EP400: variants seen among roughly 807,000 people sequenced by gnomAD.
EP400 encodes the protein E1A-binding protein p400.
A neutral mutation model predicts 354.1 loss-of-function variants in EP400; 105 were observed. That is an observed-to-expected ratio of 0.30 (90% CI 0.25 to 0.35). The LOEUF is 0.35. Among genes scored for constraint, EP400 ranks in the 10% least tolerant of loss-of-function variants. EP400 has a pLI of 1.00. For missense variants in EP400, 3,280 were observed against 4,121.0 expected, an observed-to-expected ratio of 0.80 and a Z score of 5.59; for synonymous variants, 1,646 against 1,716.9, an observed-to-expected ratio of 0.96 and a Z score of 1.02.
chr12:132,044,347 C>A (rs747702521), intron 35 of EP400, 36 bp downstream of exon 35: 3 of 1,596,670 alleles, frequency 1.9e-6, no homozygotes, highest in African/African-American at 1.3e-5. Context: ...CTCTTGCCCC[C>A]CTGCTGAGGG....
intron 19 of EP400, among the ~76,000 whole-genome samples, chr12:132,015,786 G>T (rs1372253107): frequency 6.6e-6 from 1 of 151,986 alleles, no homozygotes; most frequent in Non-Finnish European, 1.5e-5. Context: ...CGCACGCCTC[G>T]CCCCCCTGGA....
rs917905677 is a variant in EP400 at position 132,025,565 on chromosome 12, G to A, written c.4856-81G>A. ...ATTTTCAGTTTGTCAACTTATTTTT[G>A]TACTGTTTGGAAGTGCCTGGAGTGT... On this transcript the variant is annotated intron_variant, in intron 24 of 52. Transcript: ENST00000389561. The surrounding 1 kb of genome is among the most constrained non-coding windows in gnomAD (Gnocchi z 4.1). 2.1e-5 allele frequency: 29 copies of A among 1,371,616 alleles called. No individual in the cohort carries two copies. In the African/African-American group the frequency reaches 3.0e-4, roughly 14 times the overall value. 85.0% of individuals were successfully genotyped at this position (1,371,616 alleles called of 1,614,324 possible).
chr12:131,988,846 A>G (rs59589135), intron 7 of EP400, among the ~76,000 whole-genome samples: 20,588 of 152,078 alleles, frequency 0.14, 1,865 homozygotes, highest in African/African-American at 0.26. Context: ...CTTGTGTTCC[A>G]TCCCTTGCCC....
At chr12:131,979,090 G>A (rs1420330421) in intron 2 of EP400, among the ~76,000 whole-genome samples, 13 of 151,868 alleles carry the variant, frequency 8.6e-5, no homozygotes, top group Admixed American at 3.9e-4. Context: ...GGTGGCAGGC[G>A]CCTGTAGTCC....
rs576096111 is a variant in EP400 at position 132,029,964 on chromosome 12, G to A, written c.5585-25G>A. 1.4e-5 allele frequency: 23 copies of A among 1,612,806 alleles called. No individual in the cohort carries two copies. Among genetic ancestry groups the A allele is most frequent in the East Asian group, 4.5e-5 (2 of 44,884 alleles). ...CTGCACCGGCCCTGGATGATGAGGC[G>A]CTCTTGATGTGATTCGTTTCCCAGG... is the stretch of plus-strand genomic sequence containing the variant. On this transcript the variant is annotated intron_variant, in intron 28 of 52. Coordinates refer to ENST00000389561, the MANE Select transcript of EP400 (RefSeq NM_015409.5). The surrounding 1 kb of genome is among the most constrained non-coding windows in gnomAD (Gnocchi z 4.7).
intron 2 of EP400, among the ~76,000 whole-genome samples, chr12:131,975,945 C>T (rs1892458411): frequency 6.6e-6 from 1 of 152,170 alleles, no homozygotes; most frequent in Admixed American, 6.5e-5. Context: ...AAGCAGTCCT[C>T]TTGCCTTGAC....
At chr12:132,055,361 G>A (rs1895450847) in intron 45 of EP400, among the ~76,000 whole-genome samples, 153 bp downstream of exon 45, 1 of 152,086 alleles carries the variant, frequency 6.6e-6, no homozygotes, top group African/African-American at 2.4e-5. Context: ...TCAGTATGTT[G>A]ATTTCAGAAA....
intron 2 of EP400, 49 bp from the exon 3 acceptor site, chr12:131,979,645 G>A (rs1892611384): frequency 6.6e-7 from 1 of 1,519,392 alleles, no homozygotes; most frequent in Non-Finnish European, 8.9e-7. Flanking sequence ...GTTTATTCTT[G>A]TAATGGCCTT....
chr12:132,042,339 A>G (rs1894941411), intron 32 of EP400, among the ~76,000 whole-genome samples: 1 of 151,998 alleles, frequency 6.6e-6, no homozygotes, highest in Non-Finnish European at 1.5e-5. Flanking sequence ...TATCTTTCCC[A>G]TTCTGTGGTT....
At chr12:131,993,268 A>G (rs1050187904) in intron 11 of EP400, among the ~76,000 whole-genome samples, 28 of 151,796 alleles carry the variant, frequency 1.8e-4, no homozygotes, top group Non-Finnish European at 2.9e-4. Flanking sequence ...CAGGTAATCC[A>G]CCCGCCTCAG....
At chr12:131,991,572 T>G in intron 10 of EP400, 116 bp downstream of exon 10, 1 of 922,436 alleles carries the variant, frequency 1.1e-6, no homozygotes, top group Non-Finnish European at 1.7e-6. Context: ...ACTTCCTTTC[T>G]TTTCTTTTTT....
At chr12:132,031,480 G>A (rs1894492185) in intron 29 of EP400, 2 of 463,884 alleles carry the variant, frequency 4.3e-6, no homozygotes, top group East Asian at 5.6e-5. Context: ...CAGAAGAGCT[G>A]GAATACAGTG....
chr12:131,976,658 C>T (rs967780634), intron 2 of EP400, among the ~76,000 whole-genome samples: 3 of 152,050 alleles, frequency 2.0e-5, no homozygotes, highest in Non-Finnish European at 2.9e-5. Flanking sequence ...TGCAGTGAGG[C>T]GAGATCGTAC....
chr12:132,008,020 C>G (rs964147843), intron 15 of EP400, among the ~76,000 whole-genome samples: 1 of 151,978 alleles, frequency 6.6e-6, no homozygotes, highest in Admixed American at 6.6e-5. Flanking sequence ...ACGATCTTGG[C>G]TCACTGCAAC....
At chr12:132,005,255 A>G in intron 13 of EP400, 71 bp downstream of exon 13, 1 of 1,119,456 alleles carries the variant, frequency 8.9e-7, no homozygotes, top group Non-Finnish European at 1.2e-6. Context: ...GACTTAAAAT[A>G]AGATTTAGAA....
rs923167730 is a variant in EP400 at position 132,064,997 on chromosome 12, G to A, written c.8553+111G>A. 6.7e-5 allele frequency: 98 copies of A among 1,468,460 alleles called. 1 individual carries two copies. The highest frequency in any genetic ancestry group is 2.4e-4 in the South Asian group (18 of 73,856). The allele number at this position is 1,468,460 out of a possible 1,614,324, so 91.0% of individuals were successfully genotyped here. On this transcript the variant is annotated intron_variant, in intron 48 of 52. Transcript: ENST00000389561. ...CGTGTTACAGGAGTGAGTGTGAGAC[G>A]GGTTCTTTTCCCCGAGAACTTAGTA...
intron 39 of EP400, among the ~76,000 whole-genome samples, chr12:132,049,124 G>A (rs940235091): frequency 6.6e-5 from 10 of 152,208 alleles, no homozygotes; most frequent in African/African-American, 1.9e-4. Context: ...GGATGTGTGC[G>A]TGAGTGGGAC....
intron 37 of EP400, 75 bp downstream of exon 37, chr12:132,045,028 GCTGTCTGC>G (rs1895040208): frequency 6.7e-6 from 9 of 1,345,404 alleles, no homozygotes; most frequent in Non-Finnish European, 9.0e-6. Context: ...GCCACTTTCT[GCTGTCTGC>G]CTGTCTGCTG....
intron 19 of EP400, among the ~76,000 whole-genome samples, chr12:132,015,280 C>T (rs970341280): frequency 6.6e-6 from 1 of 152,220 alleles, no homozygotes; most frequent in Non-Finnish European, 1.5e-5. Context: ...CCATTAGTGG[C>T]GAGACTCTCC....
Sources: gnomAD v4.1 joint callset for allele counts (sites outside exome capture counted in the v4.1 genomes callset) on GRCh38, gnomAD v4.1.1 for gene constraint, Gnocchi (gnomAD v3.1) non-coding constraint, MANE v1.5 for transcripts, NCBI Gene and HGNC (gene_info 2026-07-23, HGNC 2026-07-21) for gene names.